The following PACRG variants were observed in gnomAD, a reference collection of about 807,000 sequenced individuals.
The protein encoded by PACRG is parkin coregulated gene protein.
PACRG carries 29 observed loss-of-function variants against 29.7 expected under a neutral mutation model. The ratio of observed to expected loss-of-function variants is 0.98; its 90% CI spans 0.73 to 1.33. The LOEUF is 1.33. Among genes scored for constraint, PACRG ranks in the 40% most tolerant of loss-of-function variants. The pLI, the probability that PACRG is intolerant of heterozygous loss-of-function variation, is 0.00. For synonymous variants in PACRG, 116 were observed against 118.7 expected, an observed-to-expected ratio of 0.98 and a Z score of 0.15; for missense variants, 279 against 316.2, an observed-to-expected ratio of 0.88 and a Z score of 0.89.
chr6:162,749,353 C>T (rs768119289), intron 1 of PACRG, among the ~76,000 whole-genome samples: 6 of 152,122 alleles, frequency 3.9e-5, no homozygotes, highest in Admixed American at 1.3e-4. Context: ...AGCTTTTCCT[C>T]GGCTGGCACA....
At chr6:162,839,551 C>G (rs1157988616) in intron 2 of PACRG, among the ~76,000 whole-genome samples, 1 of 151,896 alleles carries the variant, frequency 6.6e-6, no homozygotes, top group Non-Finnish European at 1.5e-5. Context: ...GTTGCTTGTT[C>G]ACTCTGATGG....
intron 2 of PACRG, among the ~76,000 whole-genome samples, chr6:163,034,868 T>C (rs1808014081): frequency 6.6e-6 from 1 of 152,142 alleles, no homozygotes; most frequent in South Asian, 2.1e-4. Flanking sequence ...AAAAGCAAGT[T>C]TATTAAGAAA....
intron 4 of PACRG, among the ~76,000 whole-genome samples, chr6:163,208,152 A>C (rs1015358787): frequency 1.3e-5 from 2 of 151,664 alleles, no homozygotes; most frequent in Non-Finnish European, 2.9e-5. Context: ...TCCTGTTAGT[A>C]AACTAGCTTA....
chr6:163,308,556 C>T (rs1341730269), intron 4 of PACRG, among the ~76,000 whole-genome samples: 1 of 151,882 alleles, frequency 6.6e-6, no homozygotes, highest in East Asian at 1.9e-4. Flanking sequence ...ATCCCAGCTA[C>T]TCAGGAGGCT....
At chr6:163,152,376 T>C (rs1778132078) in intron 4 of PACRG, among the ~76,000 whole-genome samples, 1 of 152,216 alleles carries the variant, frequency 6.6e-6, no homozygotes. Context: ...GAAGTACACC[T>C]TGAACTGATC....
intron 4 of PACRG, among the ~76,000 whole-genome samples, chr6:163,091,433 C>T (rs1362637741): frequency 6.6e-6 from 1 of 152,192 alleles, no homozygotes; most frequent in African/African-American, 2.4e-5. Context: ...ATTTAAAGTT[C>T]ATACGAGAGT....
At chr6:162,996,502 A>G (rs1408970750) in intron 2 of PACRG, among the ~76,000 whole-genome samples, 1 of 152,194 alleles carries the variant, frequency 6.6e-6, no homozygotes, top group Admixed American at 6.5e-5. Context: ...TTAGAGCTAG[A>G]GAAAACAGAA....
At chr6:162,936,029 C>A (rs535150358) in intron 2 of PACRG, among the ~76,000 whole-genome samples, 2 of 152,304 alleles carry the variant, frequency 1.3e-5, no homozygotes, top group East Asian at 3.9e-4. Flanking sequence ...AATGGACTTA[C>A]AGCTCCACAT....
chr6:163,070,706 T>C (rs1308852242), intron 3 of PACRG, among the ~76,000 whole-genome samples: 1 of 151,112 alleles, frequency 6.6e-6, no homozygotes, highest in Non-Finnish European at 1.5e-5. Context: ...TCTTTATCAA[T>C]AATAACATTG....
chr6:163,085,938 G>T (rs767572795), intron 3 of PACRG, among the ~76,000 whole-genome samples: 2 of 152,206 alleles, frequency 1.3e-5, no homozygotes, highest in Non-Finnish European at 2.9e-5. Flanking sequence ...TGTAATGCAT[G>T]CACTCTCAAT....
rs759185651 is a variant in PACRG at position 162,814,257 on chromosome 6, G to A, written c.267G>A (p.Ser89=). ...GDFPIALEHD[S]KGNKIAWKVE... ...TCCCAATTGCCCTTGAGCATGATTC[G>A]AAAGGAAACAAAATCGCCTGGAAGG... is the stretch of plus-strand genomic sequence containing the variant. The change falls in exon 2 of 5, where the codon TCG becomes TCA. Residue 89 remains serine, a synonymous_variant. Coordinates refer to ENST00000366888, the MANE Select transcript of PACRG (RefSeq NM_001080379.2). The A allele has an allele frequency of 2.2e-5, 36 of 1,612,994 alleles. No individual in the cohort carries two copies. The highest frequency in any genetic ancestry group is 2.4e-5 in the Non-Finnish European group (28 of 1,179,228).
At chr6:162,982,092 C>T (rs988656129) in intron 2 of PACRG, among the ~76,000 whole-genome samples, 1 of 151,728 alleles carries the variant, frequency 6.6e-6, no homozygotes, top group African/African-American at 2.4e-5. Flanking sequence ...AAGGTGTCTA[C>T]AGTAGCTTTA....
chr6:162,898,635 A>G (rs560905682), intron 2 of PACRG, among the ~76,000 whole-genome samples: 1 of 152,258 alleles, frequency 6.6e-6, no homozygotes, highest in African/African-American at 2.4e-5. Flanking sequence ...CTATTTTTTC[A>G]TCTGCAAGTG....
chr6:163,156,501 C>T (rs1193383399), intron 4 of PACRG, among the ~76,000 whole-genome samples: 1 of 152,148 alleles, frequency 6.6e-6, no homozygotes, highest in African/African-American at 2.4e-5. Flanking sequence ...CCCTCCTCTT[C>T]CACTGCTGCT....
intron 2 of PACRG, among the ~76,000 whole-genome samples, chr6:162,927,302 G>A (rs62427526): frequency 0.1 from 15,331 of 152,050 alleles, 1,018 homozygotes; most frequent in East Asian, 0.27. Context: ...CCATTGCTGG[G>A]TATATACCCA....
intron 1 of PACRG, among the ~76,000 whole-genome samples, chr6:162,782,987 G>A (rs1019440864): frequency 1.3e-5 from 2 of 151,836 alleles, no homozygotes; most frequent in East Asian, 1.9e-4. Flanking sequence ...ACACAAAGCA[G>A]CAGAAAAAGT....
rs149681578 is a variant in PACRG, at chr6:163,277,502, T to TACACAC, written c.614-37315_614-37310dup. Among the ~76,000 whole-genome samples, 1,367 of 144,336 alleles carry TACACAC rather than the reference T, an allele frequency of 9.5e-3. 11 individuals are homozygous for TACACAC. Among genetic ancestry groups the TACACAC allele is most frequent in the Non-Finnish European group, 0.015 (1,001 of 66,150 alleles). The allele number at this position is 144,336 out of a possible 152,430, so 94.7% of individuals were successfully genotyped here. ...ATGTGTGTATATATATATACACACATACACACACACACACATATACACATA... is the reference window on the plus strand; with the variant it reads ...ATGTGTGTATATATATATACACACATACACACACACACACACACACATATACACATA... On this transcript the variant is annotated intron_variant, in intron 4 of 4. Transcript: ENST00000366888.
chr6:163,181,354 C>T (rs991808950), intron 4 of PACRG, among the ~76,000 whole-genome samples: 6 of 152,160 alleles, frequency 3.9e-5, no homozygotes, highest in Non-Finnish European at 8.8e-5. Context: ...GTGATACAGA[C>T]GGCCGCTTGG....
intron 2 of PACRG, among the ~76,000 whole-genome samples, chr6:162,819,203 T>G (rs951863479): frequency 6.6e-6 from 1 of 152,150 alleles, no homozygotes; most frequent in African/African-American, 2.4e-5. Flanking sequence ...TTAGGTGGCC[T>G]CTACTCACTG....
Sources: gnomAD v4.1 joint callset for allele counts (sites outside exome capture counted in the v4.1 genomes callset) on GRCh38, gnomAD v4.1.1 for gene constraint, MANE v1.5 for transcripts, NCBI Gene and HGNC (gene_info 2026-07-23, HGNC 2026-07-21) for gene names.